The following CWC27 variants were observed in gnomAD, a reference collection of about 807,000 sequenced individuals.
CWC27 encodes the protein CWC27 spliceosome associated cyclophilin.
A neutral mutation model predicts 63.6 loss-of-function variants in CWC27; 47 were observed. The observed-to-expected ratio is 0.74, with a 90% CI of 0.58 to 0.94. CWC27 has a LOEUF of 0.94. Among genes scored for constraint, CWC27 ranks in the 40% least tolerant of loss-of-function variants. CWC27 has a pLI of 0.00. For synonymous variants in CWC27, 175 were observed against 179.8 expected, an observed-to-expected ratio of 0.97 and a Z score of 0.22; for missense variants, 495 against 554.3, an observed-to-expected ratio of 0.89 and a Z score of 1.07.
chr5:65,003,476 G>A (rs1294299790), intron 13 of CWC27, among the ~76,000 whole-genome samples: 1 of 151,586 alleles, frequency 6.6e-6, no homozygotes, highest in Non-Finnish European at 1.5e-5. Flanking sequence ...TTTCTCATTT[G>A]TGCATCTTCT....
chr5:64,899,819 G>A (rs188266041), intron 11 of CWC27, among the ~76,000 whole-genome samples: 3 of 152,268 alleles, frequency 2.0e-5, no homozygotes, highest in Admixed American at 2.0e-4. Context: ...CATGCCCCTT[G>A]TTAACCCCCT....
intron 10 of CWC27, among the ~76,000 whole-genome samples, chr5:64,811,431 T>A (rs1477224482): frequency 1.3e-5 from 2 of 152,094 alleles, no homozygotes; most frequent in Non-Finnish European, 2.9e-5. Flanking sequence ...GCAATTTCTA[T>A]CATCTATAAT....
intron 9 of CWC27, among the ~76,000 whole-genome samples, chr5:64,803,305 C>G (rs540992450): frequency 6.6e-6 from 1 of 152,294 alleles, no homozygotes; most frequent in Admixed American, 6.5e-5. Flanking sequence ...CTTCTCTCCC[C>G]TCTTTCTTCC....
chr5:64,778,053 T>C (rs1743523082), intron 2 of CWC27, among the ~76,000 whole-genome samples: 1 of 152,164 alleles, frequency 6.6e-6, no homozygotes. Context: ...AAATACTTAA[T>C]GGGAAATAGG....
chr5:64,908,372 C>A (rs7733393), intron 11 of CWC27, among the ~76,000 whole-genome samples: 1 of 152,172 alleles, frequency 6.6e-6, no homozygotes, highest in African/African-American at 2.4e-5. Context: ...TTGAATTGGG[C>A]TGAAGAGTTC....
At chr5:64,992,263 G>A (rs1367717088) in intron 13 of CWC27, among the ~76,000 whole-genome samples, 2 of 152,126 alleles carry the variant, frequency 1.3e-5, no homozygotes, top group Non-Finnish European at 2.9e-5. Flanking sequence ...GATAAATGAG[G>A]AACTCTGTAG....
chr5:64,846,140 C>G (rs1182566335), intron 10 of CWC27, among the ~76,000 whole-genome samples: 2 of 151,714 alleles, frequency 1.3e-5, no homozygotes, highest in Non-Finnish European at 2.9e-5. Flanking sequence ...CCCAGCAAAG[C>G]TATCTTTCAT....
intron 11 of CWC27, among the ~76,000 whole-genome samples, chr5:64,953,498 G>C (rs1748748690): frequency 6.6e-6 from 1 of 152,022 alleles, no homozygotes; most frequent in Non-Finnish European, 1.5e-5. Context: ...AATTTAATCA[G>C]TGAGAACGTG....
chr5:64,850,459 CTG>C (rs1196321632), intron 10 of CWC27, among the ~76,000 whole-genome samples: 3 of 152,044 alleles, frequency 2.0e-5, no homozygotes, highest in Non-Finnish European at 4.4e-5. Context: ...AGACCAGAAA[CTG>C]TAAATCTGAC....
intron 10 of CWC27, among the ~76,000 whole-genome samples, chr5:64,855,760 T>C (rs936765184): frequency 6.6e-6 from 1 of 152,126 alleles, no homozygotes; most frequent in Admixed American, 6.5e-5. Flanking sequence ...CTCCTTTTTT[T>C]ATTTAAAAGA....
intron 11 of CWC27, among the ~76,000 whole-genome samples, chr5:64,962,704 T>C (rs1303768980): frequency 6.6e-6 from 1 of 152,218 alleles, no homozygotes; most frequent in Non-Finnish European, 1.5e-5. Context: ...AAAATGGCTC[T>C]GGACCAATGG....
intron 9 of CWC27, among the ~76,000 whole-genome samples, chr5:64,801,739 T>C (rs1382742681): frequency 6.6e-6 from 1 of 152,188 alleles, no homozygotes; most frequent in Non-Finnish European, 1.5e-5. Flanking sequence ...CCTTTTTATA[T>C]ACACATTTCA....
intron 10 of CWC27, among the ~76,000 whole-genome samples, chr5:64,820,262 G>C (rs371818703): frequency 6.6e-6 from 1 of 152,126 alleles, no homozygotes; most frequent in Admixed American, 6.6e-5. Flanking sequence ...ATGCCAAAGG[G>C]CACACTTCAT....
chr5:64,847,686 C>T (rs1035241573), intron 10 of CWC27, among the ~76,000 whole-genome samples: 2 of 151,758 alleles, frequency 1.3e-5, no homozygotes, highest in African/African-American at 4.8e-5. Context: ...TATTTTCTGA[C>T]CACAATGATA....
chr5:65,011,174 T>C (rs1186790972), intron 13 of CWC27, among the ~76,000 whole-genome samples: 1 of 152,118 alleles, frequency 6.6e-6, no homozygotes, highest in Non-Finnish European at 1.5e-5. Flanking sequence ...TAGTGTGCTA[T>C]GATTACTTGA....
At chr5:64,772,987 G>A (rs191956428) in intron 1 of CWC27, among the ~76,000 whole-genome samples, 49 of 150,222 alleles carry the variant, frequency 3.3e-4, no homozygotes, top group Middle Eastern at 3.5e-3. Context: ...TTTTCATAAC[G>A]ACTAGCCAAA....
chr5:65,014,416 C>G (rs1160792717), intron 13 of CWC27, among the ~76,000 whole-genome samples: 2 of 150,188 alleles, frequency 1.3e-5, no homozygotes, highest in African/African-American at 4.9e-5. Flanking sequence ...ACTATAAAGT[C>G]AATGTTATTT....
At chr5:64,873,751 G>T (rs1317994749) in intron 10 of CWC27, among the ~76,000 whole-genome samples, 1 of 151,962 alleles carries the variant, frequency 6.6e-6, no homozygotes, top group African/African-American at 2.4e-5. Flanking sequence ...AAAAATCTTT[G>T]CCCTAAACCA....
chr5:64,903,525 G>A (rs1441232745), intron 11 of CWC27, among the ~76,000 whole-genome samples: 2 of 151,820 alleles, frequency 1.3e-5, no homozygotes, highest in Non-Finnish European at 2.9e-5. Flanking sequence ...GGGGCCTGTT[G>A]GGGGATCGGG....
Sources: allele counts gnomAD v4.1 joint callset (sites outside exome capture counted in the v4.1 genomes callset), GRCh38; gene constraint gnomAD v4.1.1; transcripts MANE v1.5; gene names NCBI Gene and HGNC (gene_info 2026-07-23, HGNC 2026-07-21).